Variants in PLCB4 observed in about 807,000 individuals in gnomAD.
PLCB4 encodes the protein phospholipase C beta 4.
A neutral mutation model predicts 178.8 loss-of-function variants in PLCB4; 77 were observed. The observed-to-expected ratio is 0.43, with a 90% confidence interval of 0.36 to 0.52. The LOEUF (loss-of-function observed/expected upper bound fraction) is 0.52, where lower values mean the gene tolerates loss of function less well. PLCB4 is among the 20% of genes least tolerant of loss of function. The pLI is 0.00. For missense variants in PLCB4, 1,024 were observed against 1,453.4 expected (o/e 0.70, Z 4.80); for synonymous variants, 496 against 490.8 (o/e 1.01, Z -0.14).
At chr20:9,472,755 T>A in intron 36 of PLCB4, 35 bp from the exon 37 acceptor site, 1 of 1,350,006 alleles carries the variant, frequency 7.4e-7, no homozygotes, top group Non-Finnish European at 1.0e-6. Context: ...TCATTCAATG[T>A]CATACCAACC....
intron 7 of PLCB4, among the ~76,000 whole-genome samples, chr20:9,361,026 C>T (rs891194170): frequency 6.6e-6 from 1 of 152,140 alleles, no homozygotes; most frequent in Non-Finnish European, 1.5e-5. Flanking sequence ...CAAATTAGAA[C>T]CCTGAGCAAA....
chr20:9,143,943 T>G (rs1284492013), intron 2 of PLCB4, among the ~76,000 whole-genome samples: 1 of 152,020 alleles, frequency 6.6e-6, no homozygotes, highest in African/African-American at 2.4e-5. Flanking sequence ...ATGAGAAGAA[T>G]AAACAGTCTT....
chr20:9,161,963 T>C (rs2092895403), intron 2 of PLCB4, among the ~76,000 whole-genome samples: 1 of 152,202 alleles, frequency 6.6e-6, no homozygotes, highest in Admixed American at 6.6e-5. Flanking sequence ...CTATAATAGA[T>C]GTTCAATGCA....
intron 2 of PLCB4, among the ~76,000 whole-genome samples, chr20:9,148,155 C>T (rs181900230): frequency 7.2e-5 from 11 of 152,142 alleles, no homozygotes; most frequent in Admixed American, 5.9e-4. Flanking sequence ...TGTTGGCAGT[C>T]GTGAAGGAGA....
chr20:9,398,437 AAAATACTCCT>A (rs1479602320), intron 19 of PLCB4, among the ~76,000 whole-genome samples: 2 of 152,224 alleles, frequency 1.3e-5, no homozygotes, highest in Admixed American at 6.5e-5. Context: ...AATGGTCAAG[AAAATACTCCT>A]AAGATACAAA....
chr20:9,347,979 A>AAAAC (rs928595209), intron 7 of PLCB4, among the ~76,000 whole-genome samples: 1 of 152,210 alleles, frequency 6.6e-6, no homozygotes, highest in African/African-American at 2.4e-5. Flanking sequence ...TCTCAAAAAC[A>AAAAC]AAACAAACAA....
At chr20:9,196,232 C>G (rs916378009) in intron 2 of PLCB4, among the ~76,000 whole-genome samples, 2 of 152,126 alleles carry the variant, frequency 1.3e-5, no homozygotes, top group Non-Finnish European at 2.9e-5. Flanking sequence ...CAGGCAGAGT[C>G]AAAAGCAATT....
intron 7 of PLCB4, among the ~76,000 whole-genome samples, chr20:9,349,416 T>G (rs2034126799): frequency 1.3e-5 from 2 of 152,174 alleles, no homozygotes; most frequent in Non-Finnish European, 2.9e-5. Context: ...TTATATGAAT[T>G]TTCCTGTTTA....
chr20:9,098,898 C>T lies in PLCB4; in HGVS notation c.-79+2556C>T, dbSNP rs568476684. Among the ~76,000 whole-genome samples, 283 of 150,218 alleles carry T rather than the reference C, an allele frequency of 1.9e-3. 3 individuals are homozygous for T. Among genetic ancestry groups the T allele is most frequent in the Middle Eastern group, 3.5e-3 (1 of 282 alleles). On this transcript the variant is annotated intron_variant, in intron 2 of 39. Transcript: ENST00000378473. Reference sequence around the variant, plus strand: ...GTTGAGGAGCCTTTTCAAGACTGTGCTCCTAACTGTCTGGCGACGTATATA... The same window carrying T: ...GTTGAGGAGCCTTTTCAAGACTGTGTTCCTAACTGTCTGGCGACGTATATA...
At chr20:9,090,327 G>C (rs915075457) in intron 1 of PLCB4, among the ~76,000 whole-genome samples, 1 of 151,544 alleles carries the variant, frequency 6.6e-6, no homozygotes, top group African/African-American at 2.4e-5. Flanking sequence ...AAAGAGAATC[G>C]AGCTATTATT....
intron 28 of PLCB4, among the ~76,000 whole-genome samples, chr20:9,425,964 C>T (rs1297165792): frequency 6.6e-6 from 1 of 152,164 alleles, no homozygotes; most frequent in African/African-American, 2.4e-5. Context: ...CAACCTCCCA[C>T]ATTCATATCT....
At chr20:9,457,283 GT>G in intron 33 of PLCB4, 130 bp from the exon 34 acceptor site, 1 of 650,358 alleles carries the variant, frequency 1.5e-6, no homozygotes, top group Non-Finnish European at 2.8e-6. Flanking sequence ...AAAGACCAGT[GT>G]TGCCCAATGA....
At chr20:9,326,083 C>G (rs1475371042) in intron 4 of PLCB4, among the ~76,000 whole-genome samples, 1 of 152,168 alleles carries the variant, frequency 6.6e-6, no homozygotes, top group Non-Finnish European at 1.5e-5. Flanking sequence ...ATTTATCTCC[C>G]AAAGGCCCCC....
chr20:9,474,700 T>C (rs2044425764), intron 38 of PLCB4, among the ~76,000 whole-genome samples: 1 of 151,934 alleles, frequency 6.6e-6, no homozygotes, highest in African/African-American at 2.4e-5. Flanking sequence ...TAAAATAAAA[T>C]AAAATCTTTT....
chr20:9,253,707 G>A (rs1385748416), intron 3 of PLCB4, among the ~76,000 whole-genome samples: 2 of 152,142 alleles, frequency 1.3e-5, no homozygotes, highest in African/African-American at 4.8e-5. Context: ...GAATCTGTGA[G>A]GCCAAACTTA....
intron 2 of PLCB4, among the ~76,000 whole-genome samples, chr20:9,139,923 G>A (rs557769013): frequency 2.7e-4 from 41 of 152,028 alleles, no homozygotes; most frequent in Non-Finnish European, 5.4e-4. Flanking sequence ...TTCTTTGAAG[G>A]GGCTGAGGTG....
rs560929706 is a variant in PLCB4 at position 9,162,622 on chromosome 20, C to G, written c.-78-54768C>G. ...ATGTTTACTAGTCCTATAGTAGTTA[C>G]GTTCATCAATTATGTTTTGTTTCCT... On this transcript the variant is annotated intron_variant, in intron 2 of 39. Transcript: ENST00000378473. Among the ~76,000 whole-genome samples the G allele has an allele frequency of 9.2e-5, 14 of 152,246 alleles. No individual in the cohort carries two copies. The South Asian group carries it at 2.9e-3, about 32-fold the overall frequency.
intron 3 of PLCB4, among the ~76,000 whole-genome samples, chr20:9,288,612 G>C (rs1473537331): frequency 1.3e-5 from 2 of 151,878 alleles, no homozygotes; most frequent in East Asian, 3.9e-4. Context: ...GGAAGGGTGA[G>C]GAGAAGAGTG....
At chr20:9,445,878 A>G (rs1002101048) in intron 32 of PLCB4, among the ~76,000 whole-genome samples, 2 of 152,256 alleles carry the variant, frequency 1.3e-5, no homozygotes, top group Admixed American at 6.5e-5. Context: ...GGATGCCCGT[A>G]TGCTGCAGCA....
Sources: gnomAD v4.1 joint callset for allele counts (sites outside exome capture counted in the v4.1 genomes callset) on GRCh38, gnomAD v4.1.1 for gene constraint, MANE v1.5 for transcripts, NCBI Gene and HGNC (gene_info 2026-07-23, HGNC 2026-07-21) for gene names.